Variants in ETV7 observed in about 807,000 individuals in gnomAD.
The protein encoded by ETV7 is ETS variant transcription factor 7, also known as transcription factor ETV7.
In ETV7, 43 loss-of-function variants were observed where a neutral mutation model predicts 39.1. The observed-to-expected ratio is 1.10, with a 90% CI of 0.86 to 1.42. ETV7 has a LOEUF of 1.42. Ranked by LOEUF, ETV7 falls within the 40% of genes most tolerant of loss-of-function variation. The pLI, the probability that ETV7 is intolerant of heterozygous loss-of-function variation, is 0.00. For missense variants in ETV7, 432 were observed against 442.3 expected (o/e 0.98, Z 0.21); for synonymous variants, 196 against 176.6 (o/e 1.11, Z -0.87).
intron 2 of ETV7, among the ~76,000 whole-genome samples, chr6:36,384,759 C>A (rs1396481303): frequency 6.6e-6 from 1 of 151,982 alleles, no homozygotes; most frequent in Non-Finnish European, 1.5e-5. Context: ...TGTGGTGGCA[C>A]ACACCTGTAG....
intron 6 of ETV7, among the ~76,000 whole-genome samples, chr6:36,368,123 A>G (rs1441708453): frequency 6.6e-6 from 1 of 152,138 alleles, no homozygotes; most frequent in Admixed American, 6.5e-5. Flanking sequence ...CCTCTTACAT[A>G]GCAGGGGATG....
intron 2 of ETV7, among the ~76,000 whole-genome samples, chr6:36,383,960 T>C (rs1316534022): frequency 1.3e-5 from 2 of 152,152 alleles, no homozygotes; most frequent in Non-Finnish European, 2.9e-5. Context: ...CAGGAACCCC[T>C]TAGCCAGTGT....
At chr6:36,369,555 G>C (rs953843667) in intron 5 of ETV7, among the ~76,000 whole-genome samples, 1 of 152,194 alleles carries the variant, frequency 6.6e-6, no homozygotes, top group Non-Finnish European at 1.5e-5. Context: ...GGAAAACCAG[G>C]CATGCCATTG....
intron 5 of ETV7, among the ~76,000 whole-genome samples, chr6:36,370,009 G>T (rs1267829703): frequency 6.6e-6 from 1 of 152,112 alleles, no homozygotes; most frequent in Non-Finnish European, 1.5e-5. Context: ...TGCATGCATA[G>T]AGTGTGTAAC....
chr6:36,370,764 T>C (rs1011404584), intron 5 of ETV7, among the ~76,000 whole-genome samples: 3 of 152,178 alleles, frequency 2.0e-5, no homozygotes, highest in Admixed American at 2.0e-4. Flanking sequence ...TCAGTCTGTC[T>C]GGTTGTCTGC....
At chr6:36,380,296 G>A (rs368862470) in intron 2 of ETV7, among the ~76,000 whole-genome samples, 51 of 152,222 alleles carry the variant, frequency 3.4e-4, no homozygotes, top group East Asian at 1.4e-3. Flanking sequence ...ATCAGCCCCC[G>A]GCCTCTCCCT....
At chr6:36,386,523 C>T (rs1479875647) in intron 1 of ETV7, among the ~76,000 whole-genome samples, 3 of 152,200 alleles carry the variant, frequency 2.0e-5, no homozygotes, top group African/African-American at 7.2e-5. Flanking sequence ...GAAGCTCCTT[C>T]GGGCTCATGC....
At chr6:36,360,602 A>G (rs912249942) in intron 7 of ETV7, among the ~76,000 whole-genome samples, 1 of 152,144 alleles carries the variant, frequency 6.6e-6, no homozygotes, top group Non-Finnish European at 1.5e-5. Flanking sequence ...GAGAGAAGGC[A>G]GGCTTGCTGT....
Position 36,371,371 on chromosome 6 carries a change from A to G in ETV7, c.623T>C (p.Phe208Ser). 1 of 1,601,056 alleles carries G rather than the reference A, an allele frequency of 6.2e-7. No homozygotes were observed. Residue 208 changes from phenylalanine to serine, a missense_variant, in exon 5 of 8, where the codon TTC (phenylalanine) becomes TCC (serine). Transcript: ENST00000340181. ...LGCRTQGVCS[F>S]PAMPQAPIDG... ...AATGGGGGCCTGCGGCATCGCGGGGAAGGAACAGACCCCCTGGGTCCTGCA... is the reference window on the plus strand; with the variant it reads ...AATGGGGGCCTGCGGCATCGCGGGGGAGGAACAGACCCCCTGGGTCCTGCA...
intron 2 of ETV7, among the ~76,000 whole-genome samples, chr6:36,378,983 A>G (rs1048834014): frequency 2.6e-5 from 4 of 152,206 alleles, no homozygotes; most frequent in African/African-American, 9.6e-5. Context: ...TGCAGGGAAA[A>G]GGATGCTTTG....
rs1190740744 is a variant in ETV7 at position 36,375,983 on chromosome 6, C to T, written c.195G>A (p.Trp65Ter). ...SREDVLHWLR[W>*]AEQEYSLPCT... The stretch of plus-strand genomic sequence containing the variant: ...ATGGCAGAGAGTACTCCTGCTCTGC[C>T]CAGCGCAGCCAGTGCAGCACGTCCT... Residue 65 changes from tryptophan to a stop codon, truncating the protein, a stop_gained, in exon 3 of 8, where the codon TGG (tryptophan) becomes TGA (stop). Transcript: ENST00000340181. LOFTEE classifies it high-confidence loss of function. 14 of 1,611,630 alleles carry T rather than the reference C, an allele frequency of 8.7e-6. No homozygotes were observed. The highest frequency in any genetic ancestry group is 1.1e-5 in the South Asian group (1 of 91,080).
chr6:36,366,995 C>T lies in ETV7; in HGVS notation c.808-20G>A. The T allele has an allele frequency of 6.3e-7, 1 of 1,597,994 alleles. No homozygotes were observed. The highest frequency in any genetic ancestry group is 8.6e-7 in the Non-Finnish European group (1 of 1,165,404). The stretch of plus-strand genomic sequence containing the variant: ...CCGGTTCTGGAAAGCAAAGCAGCCC[C>T]ACATCAGCCCCACTCCCCATGTCCT... On this transcript the variant is annotated intron_variant, in intron 6 of 7. Coordinates refer to ENST00000340181, the MANE Select transcript of ETV7 (RefSeq NM_016135.4).
At chr6:36,376,601 C>T (rs1773368935) in intron 2 of ETV7, among the ~76,000 whole-genome samples, 1 of 152,028 alleles carries the variant, frequency 6.6e-6, no homozygotes, top group Non-Finnish European at 1.5e-5. Flanking sequence ...CACGGTGAAA[C>T]CCCATCTCTA....
chr6:36,376,476 C>A (rs949891567), intron 2 of ETV7, among the ~76,000 whole-genome samples: 12 of 152,110 alleles, frequency 7.9e-5, no homozygotes, highest in African/African-American at 2.9e-4. Flanking sequence ...ACTGAACAAC[C>A]CAATGAAAGG....
At chr6:36,384,548 G>A (rs1302327628) in intron 2 of ETV7, among the ~76,000 whole-genome samples, 1 of 152,178 alleles carries the variant, frequency 6.6e-6, no homozygotes, top group Non-Finnish European at 1.5e-5. Context: ...TGTGGGTCTT[G>A]TGTTTGAACC....
intron 7 of ETV7, among the ~76,000 whole-genome samples, chr6:36,354,999 C>T (rs192547126): frequency 2.0e-5 from 3 of 152,316 alleles, no homozygotes; most frequent in African/African-American, 7.2e-5. Flanking sequence ...ATTCTGCAAA[C>T]TTACTGAACT....
chr6:36,387,069 A>G, intron 1 of ETV7: 1 of 228,528 alleles, frequency 4.4e-6, no homozygotes, highest in Non-Finnish European at 8.8e-6. Context: ...GCGAGAGGGG[A>G]GTGGAGAAAG....
At chr6:36,379,560 A>AAAAG (rs1554148817) in intron 2 of ETV7, among the ~76,000 whole-genome samples, 14 of 143,850 alleles carry the variant, frequency 9.7e-5, no homozygotes, top group African/African-American at 3.4e-4. Flanking sequence ...AAAAAAAAAA[A>AAAAG]AAGAAGAAGA....
chr6:36,382,169 C>T (rs1181266196), intron 2 of ETV7, among the ~76,000 whole-genome samples: 1 of 152,132 alleles, frequency 6.6e-6, no homozygotes, highest in Admixed American at 6.6e-5. Flanking sequence ...CATTTTTGAC[C>T]TCAACCCATG....
Sources: gnomAD v4.1 joint callset for allele counts (sites outside exome capture counted in the v4.1 genomes callset) on GRCh38, gnomAD v4.1.1 for gene constraint, MANE v1.5 for transcripts, NCBI Gene and HGNC (gene_info 2026-07-23, HGNC 2026-07-21) for gene names.